The following NRIP1 variants were observed in gnomAD, a reference collection of about 807,000 sequenced individuals.
NRIP1 encodes the protein nuclear receptor-interacting protein 1.
Under a neutral mutation model 75.0 loss-of-function variants are expected in NRIP1, and 28 were observed. That is an observed-to-expected ratio of 0.37 (90% CI 0.28 to 0.51). The LOEUF is 0.51. NRIP1 is among the 20% of genes least tolerant of loss of function. The pLI is 0.92. For synonymous variants in NRIP1, 526 were observed against 487.6 expected (o/e 1.08, Z -1.04); for missense variants, 1,435 against 1,343.7 (o/e 1.07, Z -1.06).
At chr21:15,005,496 G>C (rs976016636) in intron 3 of NRIP1, among the ~76,000 whole-genome samples, 1 of 152,144 alleles carries the variant, frequency 6.6e-6, no homozygotes, top group Non-Finnish European at 1.5e-5. Flanking sequence ...CACAGGGCGG[G>C]TTAGTGTGAC....
At chr21:15,028,607 T>C (rs192129162) in intron 2 of NRIP1, among the ~76,000 whole-genome samples, 24 of 152,346 alleles carry the variant, frequency 1.6e-4, no homozygotes, top group African/African-American at 5.3e-4. Flanking sequence ...TTTTTAACAC[T>C]AACGTAGGCA....
intron 1 of NRIP1, among the ~76,000 whole-genome samples, chr21:15,060,505 T>C (rs888879345): frequency 6.6e-6 from 1 of 152,192 alleles, no homozygotes. Flanking sequence ...ACCCAAACTT[T>C]AGCACTCAGA....
chr21:14,983,290 C>T (rs1480953619), intron 3 of NRIP1, among the ~76,000 whole-genome samples: 1 of 151,816 alleles, frequency 6.6e-6, no homozygotes, highest in African/African-American at 2.4e-5. Context: ...AACAAAACAA[C>T]CTTATTGCTG....
At chr21:14,973,102 T>C (rs1163339412) in intron 3 of NRIP1, among the ~76,000 whole-genome samples, 1 of 152,256 alleles carries the variant, frequency 6.6e-6, no homozygotes, top group African/African-American at 2.4e-5. Context: ...ATGTGTCTAT[T>C]TAAAGTTATT....
chr21:15,000,312 G>A (rs1224489492), intron 3 of NRIP1, among the ~76,000 whole-genome samples: 2 of 152,146 alleles, frequency 1.3e-5, no homozygotes, highest in African/African-American at 4.8e-5. Flanking sequence ...GGGTGGGTGA[G>A]AGGGGAAGGT....
Position 14,966,953 on chromosome 21 carries a change from T to C in NRIP1, c.1240A>G (p.Ile414Val). 6.2e-7 allele frequency: 1 copy of C among 1,614,168 alleles called. No individual in the cohort carries two copies. The highest frequency in any genetic ancestry group is 8.5e-7 in the Non-Finnish European group (1 of 1,180,004). The change falls in exon 4 of 4, where the codon ATT becomes GTT. Residue 414 changes from isoleucine to valine, a missense_variant. Physicochemically the swap from Ile to Val is conservative, Grantham distance 29 (BLOSUM62 3). Transcript: ENST00000318948. Reference sequence around the variant, plus strand: ...GGATTGTTATCTGAATATTCATCAATAGTTGTAGGTGTACTACTTTCCTCA... The same window carrying C: ...GGATTGTTATCTGAATATTCATCAACAGTTGTAGGTGTACTACTTTCCTCA... ...IFEESSTPTT[I>V]DEYSDNNPSF...
chr21:15,015,439 T>C (rs1351185025), intron 2 of NRIP1, among the ~76,000 whole-genome samples: 1 of 152,200 alleles, frequency 6.6e-6, no homozygotes, highest in Non-Finnish European at 1.5e-5. Flanking sequence ...TAACATGTTA[T>C]ATGTCCGTTG....
chr21:14,967,282 A>G lies in NRIP1; in HGVS notation c.911T>C (p.Leu304Ser), dbSNP rs112429656. The change falls in exon 4 of 4, where the codon TTG becomes TCG. Residue 304 changes from leucine (L) to serine (S), a missense_variant. By Grantham distance (145) the Leu-to-Ser change is moderately radical. Transcript: ENST00000318948. ...AACATCCTTCTGGCCATTTTCTTGC[A>G]ATCTGGCCATAGCAGCAAGTCTTTC... ...ASERLAAMAR[L>S]QENGQKDVGS... 2.5e-6 allele frequency: 4 copies of G among 1,613,942 alleles called. No individual in the cohort carries two copies. The highest frequency in any genetic ancestry group is 2.2e-5 in the East Asian group (1 of 44,834).
chr21:15,016,753 T>C (rs1204046549), intron 2 of NRIP1, among the ~76,000 whole-genome samples: 2 of 151,686 alleles, frequency 1.3e-5, no homozygotes, highest in Non-Finnish European at 2.9e-5. Flanking sequence ...GGTGTGGTGG[T>C]GGGCACCTGT....
intron 1 of NRIP1, chr21:15,051,990 C>T (rs1480573193): frequency 6.6e-6 from 1 of 152,128 alleles, no homozygotes; most frequent in Non-Finnish European, 1.5e-5. Context: ...AGCCTATTAA[C>T]CCTATCTAGT....
intron 2 of NRIP1, among the ~76,000 whole-genome samples, chr21:15,030,330 T>C (rs2147252105): frequency 6.6e-6 from 1 of 152,358 alleles, no homozygotes; most frequent in South Asian, 2.1e-4. Context: ...ATTACTTATA[T>C]TTTTATTAAC....
At chr21:15,045,869 T>G (rs1450016090) in intron 1 of NRIP1, among the ~76,000 whole-genome samples, 2 of 152,220 alleles carry the variant, frequency 1.3e-5, no homozygotes, top group African/African-American at 4.8e-5. Context: ...AGTAACTACT[T>G]TCTTTGCTCA....
chr21:15,060,082 G>A (rs1469379017), intron 1 of NRIP1, among the ~76,000 whole-genome samples: 1 of 152,024 alleles, frequency 6.6e-6, no homozygotes, highest in Non-Finnish European at 1.5e-5. Flanking sequence ...ATAGTGTAGG[G>A]ATCAATTTGA....
At chr21:14,982,622 A>G (rs900700749) in intron 3 of NRIP1, among the ~76,000 whole-genome samples, 2 of 151,680 alleles carry the variant, frequency 1.3e-5, no homozygotes, top group East Asian at 3.9e-4. Context: ...TCTTTCAATC[A>G]TCTTGCTTAC....
At chr21:15,005,152 T>C (rs1047307276) in intron 3 of NRIP1, among the ~76,000 whole-genome samples, 2 of 152,330 alleles carry the variant, frequency 1.3e-5, no homozygotes, top group African/African-American at 4.8e-5. Context: ...GACAAATAGA[T>C]AGGAATGAAG....
At position 14,963,437 on chromosome 21, in the gene NRIP1, C is replaced by T. The variant is rs775505449; in HGVS notation, c.*1279G>A. On this transcript the variant is annotated 3_prime_UTR_variant, in exon 4 of 4. Transcript: ENST00000318948. ...AGCCAGATATGAAAGTTATCCCCTC[C>T]ACCCAATTTTTGTCATAAAAAGTGT... 9 of 152,484 alleles carry T rather than the reference C, an allele frequency of 5.9e-5. No homozygotes were observed. The highest frequency in any genetic ancestry group is 1.0e-4 in the Non-Finnish European group (7 of 67,988). The allele number at this position is 152,484 out of a possible 1,614,324, so 9.4% of individuals were successfully genotyped here.
At chr21:15,045,424 T>C (rs548612404) in intron 1 of NRIP1, among the ~76,000 whole-genome samples, 1 of 152,356 alleles carries the variant, frequency 6.6e-6, no homozygotes, top group East Asian at 1.9e-4. Context: ...GTCTATTAAG[T>C]GTGCAAAAGC....
chr21:14,979,144 CATAAGT>C (rs2147001455), intron 3 of NRIP1, among the ~76,000 whole-genome samples: 1 of 152,248 alleles, frequency 6.6e-6, no homozygotes, highest in East Asian at 1.9e-4. Context: ...TTTGGCAGCA[CATAAGT>C]ATAAGAAAAG....
chr21:15,031,089 GCTC>G (rs2088667726), intron 2 of NRIP1, among the ~76,000 whole-genome samples: 7 of 44,742 alleles, frequency 1.6e-4, no homozygotes, highest in Non-Finnish European at 2.2e-4. Flanking sequence ...TCTGGAAGGC[GCTC>G]GGAGGATCAC....
Sources: allele counts gnomAD v4.1 joint callset (sites outside exome capture counted in the v4.1 genomes callset), GRCh38; gene constraint gnomAD v4.1.1; transcripts MANE v1.5; gene names NCBI Gene and HGNC (gene_info 2026-07-23, HGNC 2026-07-21).